STT3B: variants seen among roughly 807,000 people sequenced by gnomAD.
STT3B encodes the protein STT3 oligosaccharyltransferase complex catalytic subunit B.
STT3B carries 29 observed loss-of-function variants against 96.8 expected under a neutral mutation model. That is an observed-to-expected ratio of 0.30 (90% CI 0.22 to 0.41). STT3B has a LOEUF of 0.41. STT3B is among the 10% of genes least tolerant of loss of function. STT3B has a pLI of 1.00. For synonymous variants in STT3B, 367 were observed against 360.0 expected, an observed-to-expected ratio of 1.02 and a Z score of -0.22; for missense variants, 640 against 1,022.3, an observed-to-expected ratio of 0.63 and a Z score of 5.10.
chr3:31,554,967 T>C (rs1697667938), intron 1 of STT3B, among the ~76,000 whole-genome samples: 1 of 152,166 alleles, frequency 6.6e-6, no homozygotes, highest in Non-Finnish European at 1.5e-5. Context: ...TTGTTTTTAC[T>C]CTCTTTTTGA....
At chr3:31,542,168 C>T (rs559328152) in intron 1 of STT3B, among the ~76,000 whole-genome samples, 1 of 152,208 alleles carries the variant, frequency 6.6e-6, no homozygotes, top group East Asian at 1.9e-4. Context: ...TTTAAGGAGA[C>T]AAATGATAAT....
At chr3:31,610,729 T>G (rs1426507284) in intron 5 of STT3B, among the ~76,000 whole-genome samples, 3 of 152,214 alleles carry the variant, frequency 2.0e-5, no homozygotes, top group Non-Finnish European at 4.4e-5. Flanking sequence ...AGATTATTAC[T>G]TATCTGTCCC....
chr3:31,582,431 A>T (rs922826827), intron 3 of STT3B, among the ~76,000 whole-genome samples: 6 of 151,322 alleles, frequency 4.0e-5, no homozygotes, highest in African/African-American at 1.5e-4. Flanking sequence ...AGTAGCTGGG[A>T]CTACAGGCGC....
At chr3:31,573,058 A>G (rs1454866596) in intron 1 of STT3B, among the ~76,000 whole-genome samples, 2 of 152,110 alleles carry the variant, frequency 1.3e-5, no homozygotes, top group Admixed American at 1.3e-4. Context: ...ATAGGGAGGG[A>G]GACATCAGTG....
intron 1 of STT3B, among the ~76,000 whole-genome samples, chr3:31,547,321 G>T (rs1380259261): frequency 6.6e-6 from 1 of 152,110 alleles, no homozygotes; most frequent in Non-Finnish European, 1.5e-5. Context: ...AGAAGCCAGA[G>T]ATTTATAATT....
intron 1 of STT3B, among the ~76,000 whole-genome samples, chr3:31,557,490 A>G (rs1036567782): frequency 2.0e-5 from 3 of 152,056 alleles, no homozygotes; most frequent in African/African-American, 4.8e-5. Context: ...CAATACTAAT[A>G]TTTCCGATCC....
intron 3 of STT3B, among the ~76,000 whole-genome samples, chr3:31,585,980 T>C (rs189412356): frequency 6.6e-6 from 1 of 152,188 alleles, no homozygotes; most frequent in East Asian, 1.9e-4. Flanking sequence ...TAAGCACAGA[T>C]TGGTGGTTTG....
intron 6 of STT3B, 145 bp downstream of exon 6, chr3:31,615,348 A>T: frequency 1.6e-6 from 1 of 625,972 alleles, no homozygotes; most frequent in East Asian, 2.9e-5. Flanking sequence ...AAATCTGTAG[A>T]TAAAAATTTT....
intron 3 of STT3B, among the ~76,000 whole-genome samples, chr3:31,596,068 C>A (rs150447845): frequency 6.6e-6 from 1 of 152,244 alleles, no homozygotes; most frequent in East Asian, 1.9e-4. Context: ...TCCAACATAG[C>A]CTAGCAAAGT....
At chr3:31,630,285 C>T (rs1324125861) in intron 14 of STT3B, among the ~76,000 whole-genome samples, 1 of 152,174 alleles carries the variant, frequency 6.6e-6, no homozygotes, top group African/African-American at 2.4e-5. Context: ...CTTATCAGCC[C>T]AGAGAAAGCA....
At position 31,621,871 on chromosome 3, in the gene STT3B, A is replaced by T. The variant is rs192580466; in HGVS notation, c.1328-226A>T. On this transcript the variant is annotated intron_variant, in intron 9 of 15. Coordinates refer to ENST00000295770, the MANE Select transcript of STT3B (RefSeq NM_178862.3). ...ATAACTAATTAAATTTGAATCATATACATTTTTCTAAACTGTGGATGTGTA... is the reference window on the plus strand; with the variant it reads ...ATAACTAATTAAATTTGAATCATATTCATTTTTCTAAACTGTGGATGTGTA... Among the ~76,000 whole-genome samples, 66 of 152,362 alleles carry T rather than the reference A, an allele frequency of 4.3e-4. 2 individuals carry two copies. Among genetic ancestry groups the T allele is most frequent in the Admixed American group, 3.2e-3 (49 of 15,302 alleles).
chr3:31,601,812 T>G (rs1258340603), intron 5 of STT3B, among the ~76,000 whole-genome samples: 1 of 152,172 alleles, frequency 6.6e-6, no homozygotes, highest in Non-Finnish European at 1.5e-5. Flanking sequence ...TATATTACAT[T>G]TATAGCCATT....
chr3:31,615,145 G>A lies in STT3B; in HGVS notation c.918G>A (p.Met306Ile), dbSNP rs1375091494. The A allele has an allele frequency of 6.2e-7, 1 of 1,611,112 alleles. No individual in the cohort carries two copies. Among genetic ancestry groups the A allele is most frequent in the Non-Finnish European group, 8.5e-7 (1 of 1,178,002 alleles). The stretch of plus-strand genomic sequence containing the variant: ...ACATTGTGGGTTTAATATTATCAAT[G>A]CAGATACCTTTTGTGGGATTCCAGC... ...TFYIVGLILSMQIPFVGFQPI... is the reference protein window; with the variant it reads ...TFYIVGLILSIQIPFVGFQPI... Residue 306 changes from methionine (M) to isoleucine (I), a missense_variant, in exon 6 of 16, where the codon ATG (methionine) becomes ATA (isoleucine). Coordinates refer to ENST00000295770, the MANE Select transcript of STT3B (RefSeq NM_178862.3).
At chr3:31,589,195 A>G (rs1218148789) in intron 3 of STT3B, among the ~76,000 whole-genome samples, 5 of 152,070 alleles carry the variant, frequency 3.3e-5, no homozygotes, top group Non-Finnish European at 7.4e-5. Flanking sequence ...TGTGTGTGCT[A>G]ATACGTACTG....
chr3:31,592,962 G>A (rs1698698992), intron 3 of STT3B, among the ~76,000 whole-genome samples: 1 of 152,190 alleles, frequency 6.6e-6, no homozygotes, highest in African/African-American at 2.4e-5. Flanking sequence ...GATCACTTCT[G>A]TCTGCTCTTC....
chr3:31,573,978 G>A (rs1175626378), intron 1 of STT3B, among the ~76,000 whole-genome samples: 1 of 151,958 alleles, frequency 6.6e-6, no homozygotes, highest in Non-Finnish European at 1.5e-5. Flanking sequence ...TGATAAAGAG[G>A]GAGAGGCCAA....
intron 5 of STT3B, among the ~76,000 whole-genome samples, chr3:31,602,109 A>AGTTC (rs1698941764): frequency 6.6e-6 from 1 of 152,054 alleles, no homozygotes. Context: ...GGGTGACAGA[A>AGTTC]GGAGACCTGT....
chr3:31,611,494 G>A (rs1337429664), intron 5 of STT3B, among the ~76,000 whole-genome samples: 1 of 152,082 alleles, frequency 6.6e-6, no homozygotes, highest in Non-Finnish European at 1.5e-5. Flanking sequence ...TTGCAGTGGA[G>A]ATTGTGTTTC....
intron 6 of STT3B, among the ~76,000 whole-genome samples, chr3:31,616,702 A>G (rs1187185030): frequency 6.6e-6 from 1 of 151,618 alleles, no homozygotes; most frequent in Admixed American, 6.6e-5. Flanking sequence ...TTGGTCTGGT[A>G]CATGTGTAAG....
Sources: gnomAD v4.1 joint callset for allele counts (sites outside exome capture counted in the v4.1 genomes callset) on GRCh38, gnomAD v4.1.1 for gene constraint, MANE v1.5 for transcripts, NCBI Gene and HGNC (gene_info 2026-07-23, HGNC 2026-07-21) for gene names.